The following SAMD12 variants were observed in gnomAD, a reference collection of about 807,000 sequenced individuals.
SAMD12 encodes sterile alpha motif domain containing 12.
A neutral mutation model predicts 15.0 loss-of-function variants in SAMD12; 9 were observed. The ratio of observed to expected loss-of-function variants is 0.60; its 90% CI spans 0.36 to 1.05. SAMD12 has a LOEUF of 1.05. Ranked by LOEUF, SAMD12 falls within the 50% of genes least tolerant of loss-of-function variation. The probability of loss-of-function intolerance (pLI) is 0.01; values close to 1 mark genes in which losing one functional copy is unlikely to be tolerated. For missense variants in SAMD12, 230 were observed against 234.2 expected (o/e 0.98, Z 0.12); for synonymous variants, 86 against 90.1 (o/e 0.96, Z 0.25).
chr8:118,548,412 CACACACA>C (rs1563576334), intron 2 of SAMD12, among the ~76,000 whole-genome samples: 6 of 151,432 alleles, frequency 4.0e-5, no homozygotes, highest in African/African-American at 1.2e-4. Flanking sequence ...CACACACACA[CACACACA>C]CACACCCCAT....
At chr8:118,507,526 G>A (rs1349175386) in intron 2 of SAMD12, among the ~76,000 whole-genome samples, 1 of 152,072 alleles carries the variant, frequency 6.6e-6, no homozygotes, top group Non-Finnish European at 1.5e-5. Context: ...GGCTCAGAAA[G>A]GCTAGGTAAT....
At chr8:118,196,225 C>T (rs1417962714) in exon 5 of SAMD12, 1 of 152,150 alleles carries the variant, frequency 6.6e-6, no homozygotes, top group Non-Finnish European at 1.5e-5. Flanking sequence ...CTGGAGACAC[C>T]CTAAAACACC....
chr8:118,577,546 T>A (rs1827184090), intron 2 of SAMD12, among the ~76,000 whole-genome samples: 1 of 152,122 alleles, frequency 6.6e-6, no homozygotes, highest in Non-Finnish European at 1.5e-5. Context: ...GGGCTCAAAG[T>A]GGCAGGGCCC....
chr8:118,309,128 G>C (rs1420282347), intron 4 of SAMD12, among the ~76,000 whole-genome samples: 3 of 151,994 alleles, frequency 2.0e-5, no homozygotes, highest in Non-Finnish European at 4.4e-5. Context: ...GTGTAGTCTT[G>C]TATCCCTCAC....
intron 4 of SAMD12, among the ~76,000 whole-genome samples, chr8:118,244,120 C>T (rs1812633891): frequency 6.6e-6 from 1 of 152,092 alleles, no homozygotes; most frequent in Non-Finnish European, 1.5e-5. Flanking sequence ...CACATCATGA[C>T]TTTTTGATCC....
the SAMD12 span, among the ~76,000 whole-genome samples, chr8:118,158,559 G>A: frequency 5.3e-5 from 8 of 152,262 alleles, no homozygotes; most frequent in Non-Finnish European, 1.2e-4. Flanking sequence ...ATGAATGGAG[G>A]TAGAAAGTGG....
chr8:118,287,921 C>G (rs1814140025), intron 4 of SAMD12, among the ~76,000 whole-genome samples: 1 of 152,110 alleles, frequency 6.6e-6, no homozygotes, highest in East Asian at 1.9e-4. Flanking sequence ...ATGGCTGCCC[C>G]TAAGGATAGG....
intron 1 of SAMD12, among the ~76,000 whole-genome samples, chr8:118,593,318 C>A (rs952551763): frequency 4.6e-4 from 70 of 151,974 alleles, no homozygotes; most frequent in African/African-American, 1.7e-3. Flanking sequence ...GATAAGTATA[C>A]GAGTTGCTAA....
intron 2 of SAMD12, among the ~76,000 whole-genome samples, chr8:118,545,999 C>G (rs1213339958): frequency 6.6e-6 from 1 of 152,208 alleles, no homozygotes; most frequent in Admixed American, 6.5e-5. Context: ...AAACCGGGAC[C>G]CTTAACCTCT....
At chr8:118,556,390 A>T (rs1288465786) in intron 2 of SAMD12, among the ~76,000 whole-genome samples, 1 of 152,186 alleles carries the variant, frequency 6.6e-6, no homozygotes, top group Non-Finnish European at 1.5e-5. Context: ...TTCATGACTC[A>T]TGAGACAGAA....
rs142183122 is a variant in SAMD12, at chr8:118,468,883, C to A, written c.193-28922G>T. On this transcript the variant is annotated intron_variant, in intron 2 of 3. Transcript: ENST00000314727. ...GGTAGCTTATTTTGCTGATGACTAA[C>A]GAGATGCAAAGGCAAAGTTTTAATC... Among the ~76,000 whole-genome samples the A allele has an allele frequency of 4.2e-4, 64 of 152,292 alleles. No individual in the cohort carries two copies. The South Asian group carries it at 8.7e-3, about 21-fold the overall frequency.
At position 118,486,152 on chromosome 8, in the gene SAMD12, C is replaced by T. The variant is rs562130317; in HGVS notation, c.193-46191G>A. 7.2e-5 allele frequency among the ~76,000 whole-genome samples: 11 copies of T among 152,260 alleles called. No individual in the cohort carries two copies. In the South Asian group the frequency reaches 8.3e-4, roughly 11 times the overall value. On this transcript the variant is annotated intron_variant, in intron 2 of 3. Coordinates refer to ENST00000314727, the MANE Select transcript of SAMD12 (RefSeq NM_207506.3). The stretch of plus-strand genomic sequence containing the variant: ...AGAGTAGGCTGGGGGTGGTGGCTCA[C>T]ACCTGTAATCCCAGCACTTTGGGAG...
chr8:118,581,471 C>CT (rs927812393), intron 1 of SAMD12, among the ~76,000 whole-genome samples: 25 of 152,100 alleles, frequency 1.6e-4, no homozygotes, highest in Non-Finnish European at 2.5e-4. Context: ...AACAAAAGGA[C>CT]TGGTGATTTT....
At chr8:118,531,953 T>A (rs1345222862) in intron 2 of SAMD12, among the ~76,000 whole-genome samples, 1 of 152,188 alleles carries the variant, frequency 6.6e-6, no homozygotes, top group Non-Finnish European at 1.5e-5. Flanking sequence ...GGCCAGAACT[T>A]CCAACACTAT....
At chr8:118,301,883 C>T (rs1475238477) in intron 4 of SAMD12, among the ~76,000 whole-genome samples, 1 of 152,008 alleles carries the variant, frequency 6.6e-6, no homozygotes, top group Non-Finnish European at 1.5e-5. Context: ...ATTTTAGAAA[C>T]ATCTCATTTC....
At chr8:118,475,909 C>T (rs1349719510) in intron 2 of SAMD12, among the ~76,000 whole-genome samples, 3 of 152,150 alleles carry the variant, frequency 2.0e-5, no homozygotes, top group Admixed American at 2.0e-4. Flanking sequence ...TCTCAATGTC[C>T]CTTCCCAGAA....
intron 2 of SAMD12, among the ~76,000 whole-genome samples, chr8:118,457,749 A>G (rs1450595592): frequency 6.6e-6 from 1 of 152,070 alleles, no homozygotes; most frequent in Non-Finnish European, 1.5e-5. Flanking sequence ...GCTGGCTCTT[A>G]TTATTAGAAA....
At chr8:118,517,251 C>A (rs1009859563) in intron 2 of SAMD12, among the ~76,000 whole-genome samples, 3 of 152,140 alleles carry the variant, frequency 2.0e-5, no homozygotes, top group African/African-American at 7.2e-5. Flanking sequence ...AAACTGAAAC[C>A]ATTTTGGGTA....
At chr8:118,234,030 G>A (rs970415341) in intron 4 of SAMD12, among the ~76,000 whole-genome samples, 4 of 152,176 alleles carry the variant, frequency 2.6e-5, no homozygotes, top group African/African-American at 9.7e-5. Context: ...CACTTTGGGA[G>A]TAATGTTAAA....
Sources: gnomAD v4.1 joint callset for allele counts (sites outside exome capture counted in the v4.1 genomes callset) on GRCh38, gnomAD v4.1.1 for gene constraint, MANE v1.5 for transcripts, NCBI Gene and HGNC (gene_info 2026-07-23, HGNC 2026-07-21) for gene names.